CHLSN: variants seen among roughly 807,000 people sequenced by gnomAD.
CHLSN encodes the protein cholesin, also known as protein cholesin.
At chr7:1,057,437 G>A in the CHLSN span, 1 of 654,174 alleles carries the variant, frequency 1.5e-6, no homozygotes, top group Non-Finnish European at 2.8e-6. Flanking sequence ...CAGCACTTCT[G>A]GGCCAGGGCT....
At chr7:1,013,936 C>T in the CHLSN span, among the ~76,000 whole-genome samples, 1 of 152,252 alleles carries the variant, frequency 6.6e-6, no homozygotes, top group Non-Finnish European at 1.5e-5. Context: ...TAAAACAATT[C>T]AATGTGCATG....
At chr7:1,068,713 G>C in the CHLSN span, among the ~76,000 whole-genome samples, 2,980 of 152,000 alleles carry the variant, frequency 0.02, 49 homozygotes, top group Middle Eastern at 0.068. Flanking sequence ...AGTTTTACTC[G>C]TCTGCAACAT....
At chr7:1,113,101 G>A in the CHLSN span, among the ~76,000 whole-genome samples, 2 of 152,006 alleles carry the variant, frequency 1.3e-5, no homozygotes, top group Non-Finnish European at 2.9e-5. Flanking sequence ...ACTGCAGGGC[G>A]CACACACACG....
chr7:1,047,852 T>C, the CHLSN span, among the ~76,000 whole-genome samples: 6 of 152,178 alleles, frequency 3.9e-5, no homozygotes, highest in Non-Finnish European at 7.4e-5. Context: ...AGTGGGGAAA[T>C]TGGATCACTC....
chr7:1,023,513 C>T, the CHLSN span, among the ~76,000 whole-genome samples: 2,453 of 151,922 alleles, frequency 0.016, 63 homozygotes, highest in African/African-American at 0.056. This position sits in a 1 kb window ranked among gnomAD's most constrained non-coding sequence, Gnocchi z 5.0. Flanking sequence ...CAGGCTCCTT[C>T]CTAGGAAGGA....
the CHLSN span, among the ~76,000 whole-genome samples, chr7:1,051,512 T>C: frequency 3.9e-5 from 6 of 152,262 alleles, no homozygotes; most frequent in South Asian, 1.2e-3. Context: ...TAAGCCCTCC[T>C]CTCCTGTCCA....
the CHLSN span, among the ~76,000 whole-genome samples, chr7:1,047,522 T>TG: frequency 1.3e-5 from 2 of 152,268 alleles, no homozygotes; most frequent in African/African-American, 2.4e-5. Flanking sequence ...CCTAAGCATC[T>TG]GGCTCCTAGG....
the CHLSN span, among the ~76,000 whole-genome samples, chr7:1,083,131 G>A: frequency 1.3e-5 from 2 of 152,346 alleles, no homozygotes; most frequent in African/African-American, 2.4e-5. Context: ...CTGGCACGAC[G>A]CTCCCAGAGA....
At chr7:1,011,049 G>T in the CHLSN span, among the ~76,000 whole-genome samples, 5 of 148,692 alleles carry the variant, frequency 3.4e-5, no homozygotes, top group Non-Finnish European at 7.4e-5. Flanking sequence ...CCTACATACA[G>T]ATATATATGC....
At chr7:1,089,200 G>C in the CHLSN span, among the ~76,000 whole-genome samples, 1 of 152,200 alleles carries the variant, frequency 6.6e-6, no homozygotes, top group African/African-American at 2.4e-5. Flanking sequence ...GACAGAGCCT[G>C]AGAGCAGAGG....
At chr7:1,098,345 C>A in the CHLSN span, among the ~76,000 whole-genome samples, 1 of 152,240 alleles carries the variant, frequency 6.6e-6, no homozygotes, top group African/African-American at 2.4e-5. Context: ...GCAGCACTGT[C>A]CACAAGAATC....
chr7:1,022,965 G>C, the CHLSN span: 1 of 472,824 alleles, frequency 2.1e-6, no homozygotes, highest in Non-Finnish European at 4.3e-6. Flanking sequence ...CGGCTCTGTC[G>C]TCGAGGCGCT....
At chr7:983,968 C>T in the CHLSN span, among the ~76,000 whole-genome samples, 1 of 152,126 alleles carries the variant, frequency 6.6e-6, no homozygotes, top group African/African-American at 2.4e-5. Context: ...CCGGGCCCTG[C>T]CTCCGGCTGC....
At chr7:986,192 G>T in the CHLSN span, among the ~76,000 whole-genome samples, 1 of 152,122 alleles carries the variant, frequency 6.6e-6, no homozygotes, top group Non-Finnish European at 1.5e-5. Context: ...GGTGTGGCGG[G>T]GCTGCCACAG....
the CHLSN span, among the ~76,000 whole-genome samples, chr7:1,136,760 A>C: frequency 1.2e-3 from 180 of 151,790 alleles, no homozygotes; most frequent in African/African-American, 3.6e-3. Flanking sequence ...AATACCCCTG[A>C]TCACCCTCCA....
chr7:1,024,029 T>C, the CHLSN span, among the ~76,000 whole-genome samples: 1 of 151,966 alleles, frequency 6.6e-6, no homozygotes, highest in African/African-American at 2.4e-5. Context: ...TTTATAGAGA[T>C]AGGACCAAGG....
At chr7:1,020,328 C>T in the CHLSN span, among the ~76,000 whole-genome samples, 2 of 152,156 alleles carry the variant, frequency 1.3e-5, no homozygotes, top group Admixed American at 1.3e-4. Flanking sequence ...GGGCCCCGCC[C>T]AGCACGCCCA....
chr7:993,802 C>A, the CHLSN span, among the ~76,000 whole-genome samples: 1 of 152,078 alleles, frequency 6.6e-6, no homozygotes, highest in Non-Finnish European at 1.5e-5. Flanking sequence ...CTCTTGGGGG[C>A]TTGGAGGGAG....
the CHLSN span, chr7:1,000,361 A>G: frequency 1.1e-6 from 1 of 891,064 alleles, no homozygotes; most frequent in Admixed American, 2.9e-5. Context: ...CCCCCGGGAG[A>G]CGTGCCTGCC....
Sources: allele counts gnomAD v4.1 joint callset (sites outside exome capture counted in the v4.1 genomes callset), GRCh38; gene constraint gnomAD v4.1.1; non-coding constraint Gnocchi (gnomAD v3.1); transcripts MANE v1.5; gene names NCBI Gene and HGNC (gene_info 2026-07-23, HGNC 2026-07-21).